PLXDC2: variants seen among roughly 807,000 people sequenced by gnomAD.
PLXDC2 encodes the protein plexin domain containing 2.
PLXDC2 carries 40 observed loss-of-function variants against 68.9 expected under a neutral mutation model. The observed-to-expected ratio is 0.58, with a 90% CI of 0.45 to 0.76. The LOEUF is 0.76. Ranked by LOEUF, PLXDC2 falls within the 30% of genes least tolerant of loss-of-function variation. The probability of loss-of-function intolerance (pLI) is 0.00; values close to 1 mark genes in which losing one functional copy is unlikely to be tolerated. For synonymous variants in PLXDC2, 243 were observed against 234.2 expected (o/e 1.04, Z -0.34); for missense variants, 644 against 661.9 (o/e 0.97, Z 0.30).
At chr10:20,274,578 G>A (rs983427894) in intron 13 of PLXDC2, among the ~76,000 whole-genome samples, 5 of 152,152 alleles carry the variant, frequency 3.3e-5, no homozygotes, top group African/African-American at 7.2e-5. Flanking sequence ...TCAAAAGAGG[G>A]CGAGCAGAAA....
At chr10:20,033,021 C>T (rs1386991399) in intron 2 of PLXDC2, among the ~76,000 whole-genome samples, 3 of 111,684 alleles carry the variant, frequency 2.7e-5, no homozygotes, top group Non-Finnish European at 5.1e-5. Flanking sequence ...CATCACACAC[C>T]GGGGCCTGTT....
intron 1 of PLXDC2, among the ~76,000 whole-genome samples, chr10:19,960,045 T>C (rs1239374508): frequency 6.6e-6 from 1 of 151,940 alleles, no homozygotes; most frequent in Non-Finnish European, 1.5e-5. Flanking sequence ...GAAAGGGAAA[T>C]CTGGAGAAGG....
chr10:19,832,986 A>G (rs1836722984), intron 1 of PLXDC2, among the ~76,000 whole-genome samples: 2 of 152,210 alleles, frequency 1.3e-5, no homozygotes, highest in Admixed American at 1.3e-4. Context: ...CACAGCAGTA[A>G]AATTACTCAT....
At chr10:20,034,591 T>A (rs571830520) in intron 2 of PLXDC2, among the ~76,000 whole-genome samples, 5 of 152,342 alleles carry the variant, frequency 3.3e-5, no homozygotes, top group African/African-American at 1.2e-4. Flanking sequence ...CTTTAAAGTC[T>A]GGTTTGAGAT....
intron 4 of PLXDC2, among the ~76,000 whole-genome samples, chr10:20,127,590 C>T (rs1395682542): frequency 1.3e-5 from 2 of 152,120 alleles, no homozygotes; most frequent in Non-Finnish European, 2.9e-5. Flanking sequence ...AGAAGGACTC[C>T]TATCCAAAGG....
intron 1 of PLXDC2, among the ~76,000 whole-genome samples, chr10:19,832,679 T>C (rs1170558244): frequency 6.6e-6 from 1 of 152,234 alleles, no homozygotes; most frequent in Admixed American, 6.5e-5. Context: ...ACATGGTTTC[T>C]ATATATAAGG....
chr10:20,223,644 A>G (rs904475102), intron 12 of PLXDC2, among the ~76,000 whole-genome samples: 5 of 152,126 alleles, frequency 3.3e-5, no homozygotes, highest in African/African-American at 4.8e-5. Flanking sequence ...TCCCATGGGA[A>G]ATGCCACAAT....
intron 7 of PLXDC2, among the ~76,000 whole-genome samples, chr10:20,166,303 G>A (rs1834374036): frequency 6.6e-6 from 1 of 152,124 alleles, no homozygotes; most frequent in African/African-American, 2.4e-5. Flanking sequence ...TCTGCTTGAT[G>A]AAGAACATGG....
intron 2 of PLXDC2, among the ~76,000 whole-genome samples, chr10:20,007,181 G>A (rs1239262674): frequency 6.6e-6 from 1 of 152,158 alleles, no homozygotes; most frequent in African/African-American, 2.4e-5. Context: ...AATGAGCAGG[G>A]CAAGCATCTT....
Position 20,258,569 on chromosome 10 carries a change from T to C in PLXDC2, c.1473+13064T>C, listed in dbSNP as rs1438344086. Among the ~76,000 whole-genome samples the C allele has an allele frequency of 2.0e-5, 3 of 152,208 alleles. No individual in the cohort carries two copies. In the East Asian group the frequency reaches 5.8e-4, roughly 29 times the overall value. Reference sequence around the variant, plus strand: ...AATATCTTTATAGTAAAACTATTGCTGATGGACAAAGTGTTTTTTTCTTCT... The same window carrying C: ...AATATCTTTATAGTAAAACTATTGCCGATGGACAAAGTGTTTTTTTCTTCT... On this transcript the variant is annotated intron_variant, in intron 13 of 13. Transcript: ENST00000377252.
chr10:20,272,642 A>G (rs61857187), intron 13 of PLXDC2, among the ~76,000 whole-genome samples: 2,760 of 152,228 alleles, frequency 0.018, 44 homozygotes, highest in Non-Finnish European at 0.024. Flanking sequence ...GGGTTGCATC[A>G]TCTTGAGAGA....
At chr10:20,152,210 G>C (rs931991911) in intron 6 of PLXDC2, among the ~76,000 whole-genome samples, 8 of 152,044 alleles carry the variant, frequency 5.3e-5, no homozygotes, top group African/African-American at 1.9e-4. Context: ...AATACATTTA[G>C]AGTTATAACA....
chr10:19,966,199 G>A (rs1222113977), intron 1 of PLXDC2, among the ~76,000 whole-genome samples: 1 of 132,140 alleles, frequency 7.6e-6, no homozygotes, highest in African/African-American at 3.2e-5. Context: ...ATGTACTCAT[G>A]CACATATATA....
At chr10:20,151,136 A>C (rs1312476909) in intron 6 of PLXDC2, among the ~76,000 whole-genome samples, 1 of 152,160 alleles carries the variant, frequency 6.6e-6, no homozygotes, top group Non-Finnish European at 1.5e-5. Context: ...AATAATTGTT[A>C]TGTATTTTAT....
At chr10:19,942,220 A>G (rs1198455337) in intron 1 of PLXDC2, among the ~76,000 whole-genome samples, 1 of 152,166 alleles carries the variant, frequency 6.6e-6, no homozygotes, top group Non-Finnish European at 1.5e-5. Flanking sequence ...TTGAAAAGAA[A>G]AGATTGTCCA....
intron 1 of PLXDC2, among the ~76,000 whole-genome samples, chr10:19,831,146 A>G (rs1044280744): frequency 2.6e-5 from 4 of 152,196 alleles, no homozygotes; most frequent in African/African-American, 9.7e-5. Context: ...AAAATGATTC[A>G]AATCTCAGAT....
chr10:20,184,655 G>A (rs1362724927), intron 9 of PLXDC2, among the ~76,000 whole-genome samples: 1 of 151,816 alleles, frequency 6.6e-6, no homozygotes, highest in East Asian at 1.9e-4. Context: ...AACAGACAGA[G>A]ACAGAAAACA....
intron 4 of PLXDC2, among the ~76,000 whole-genome samples, chr10:20,105,048 C>CAAAAAA (rs11289832): frequency 4.1e-5 from 4 of 97,268 alleles, no homozygotes; most frequent in East Asian, 8.5e-4. Flanking sequence ...AGACTCCATC[C>CAAAAAA]AAAAAAAAAA....
chr10:20,058,689 C>T (rs528869450), intron 3 of PLXDC2, among the ~76,000 whole-genome samples: 7 of 152,238 alleles, frequency 4.6e-5, no homozygotes, highest in Non-Finnish European at 7.4e-5. Context: ...ATTATCTGAA[C>T]GATAAACACA....
Sources: gnomAD v4.1 joint callset for allele counts (sites outside exome capture counted in the v4.1 genomes callset) on GRCh38, gnomAD v4.1.1 for gene constraint, MANE v1.5 for transcripts, NCBI Gene and HGNC (gene_info 2026-07-23, HGNC 2026-07-21) for gene names.